The following SYT14 variants were observed in gnomAD, a reference collection of about 807,000 sequenced individuals.
SYT14 encodes the protein synaptotagmin-14.
SYT14 carries 32 observed loss-of-function variants against 74.2 expected under a neutral mutation model. That is an observed-to-expected ratio of 0.43 (90% CI 0.33 to 0.58). SYT14 has a LOEUF of 0.58. Ranked by LOEUF, SYT14 falls within the 20% of genes least tolerant of loss-of-function variation. The probability of loss-of-function intolerance (pLI) is 0.05; values close to 1 mark genes in which losing one functional copy is unlikely to be tolerated. For synonymous variants in SYT14, 298 were observed against 337.7 expected, an observed-to-expected ratio of 0.88 and a Z score of 1.29; for missense variants, 791 against 981.8, an observed-to-expected ratio of 0.81 and a Z score of 2.60.
At chr1:210,060,483 G>A (rs2081188326) in intron 5 of SYT14, among the ~76,000 whole-genome samples, 1 of 151,924 alleles carries the variant, frequency 6.6e-6, no homozygotes, top group East Asian at 1.9e-4. Flanking sequence ...TCTATGTCAG[G>A]ATTAACGTGA....
At chr1:210,155,540 A>G (rs954375755) in intron 7 of SYT14, among the ~76,000 whole-genome samples, 181 bp from the exon 7 acceptor site, 4 of 152,230 alleles carry the variant, frequency 2.6e-5, no homozygotes, top group Admixed American at 1.3e-4. Context: ...TGGCTTTTAC[A>G]TAATGAAAAG....
In SYT14 at chr1:209,989,152, G is replaced by A. The variant is rs193268614; in HGVS notation, c.-485-24481G>A. 2.6e-5 allele frequency among the ~76,000 whole-genome samples: 4 copies of A among 152,166 alleles called. No homozygotes were observed. The East Asian group carries it at 5.8e-4, about 22-fold the overall frequency. On this transcript the variant is annotated intron_variant, in intron 2 of 9. Coordinates refer to ENST00000637265, the Ensembl canonical transcript of SYT14. Reference sequence around the variant, plus strand: ...GTTTCATACGCTCTGTCTTGTTTTAGTGTTTTCAGGTGGTGGGAGAAATCT... The same window carrying A: ...GTTTCATACGCTCTGTCTTGTTTTAATGTTTTCAGGTGGTGGGAGAAATCT...
chr1:210,079,221 T>A (rs978642256), intron 5 of SYT14, among the ~76,000 whole-genome samples: 1 of 152,112 alleles, frequency 6.6e-6, no homozygotes, highest in African/African-American at 2.4e-5. Flanking sequence ...ATCAATAAAT[T>A]AATTAATTTG....
intron 2 of SYT14, among the ~76,000 whole-genome samples, chr1:209,975,219 G>A (rs2079336748): frequency 2.6e-5 from 4 of 152,248 alleles, no homozygotes; most frequent in South Asian, 2.1e-4. Context: ...TCTCCTGCCT[G>A]ATTGCCCTGG....
intron 5 of SYT14, among the ~76,000 whole-genome samples, chr1:210,068,008 A>G (rs976271742): frequency 1.3e-5 from 2 of 151,890 alleles, no homozygotes; most frequent in Non-Finnish European, 2.9e-5. Context: ...ACCAGTGAAT[A>G]TGCCTCTTGT....
In SYT14 at chr1:209,958,485, A is replaced by T. The variant is rs982293107; in HGVS notation, c.-486+5729A>T. ...GAATCTCTAGATCTATGTGGAGACG[A>T]TATCTTTAAAATACTGAGATTTCTT... On this transcript the variant is annotated intron_variant, in intron 2 of 9. Transcript: ENST00000637265. Among the ~76,000 whole-genome samples the T allele has an allele frequency of 6.6e-5, 10 of 152,084 alleles. No homozygotes were observed. In the South Asian group the frequency reaches 8.3e-4, roughly 13 times the overall value.
chr1:209,979,454 A>C (rs535010663), intron 2 of SYT14, among the ~76,000 whole-genome samples: 1 of 151,444 alleles, frequency 6.6e-6, no homozygotes, highest in African/African-American at 2.4e-5. Context: ...TTTTTTCCCA[A>C]CTTTTAAGTT....
chr1:209,976,904 A>G (rs1008866976), intron 2 of SYT14, among the ~76,000 whole-genome samples: 3 of 152,072 alleles, frequency 2.0e-5, no homozygotes, highest in African/African-American at 7.2e-5. Context: ...TTGGGTGCAT[A>G]TATATTTAGG....
exon 10 of SYT14, chr1:210,161,290 A>G (rs1354601450): frequency 1.6e-6 from 1 of 617,620 alleles, no homozygotes; most frequent in East Asian, 3.4e-5. Context: ...ACAGTCCTCC[A>G]GAAATTTAAT....
At chr1:210,129,309 C>G (rs1477764974) in intron 7 of SYT14, among the ~76,000 whole-genome samples, 1 of 152,190 alleles carries the variant, frequency 6.6e-6, no homozygotes, top group African/African-American at 2.4e-5. Flanking sequence ...TTCCCCGACC[C>G]TGCCTTCCAT....
intron 7 of SYT14, among the ~76,000 whole-genome samples, chr1:210,135,733 T>A (rs1304077970): frequency 1.3e-5 from 2 of 152,256 alleles, no homozygotes; most frequent in South Asian, 2.1e-4. Context: ...TGTTCTTGGA[T>A]GCAATCAGGC....
At chr1:209,947,983 A>T in intron 1 of SYT14, among the ~76,000 whole-genome samples, 1 of 152,328 alleles carries the variant, frequency 6.6e-6, no homozygotes, top group South Asian at 2.1e-4. Flanking sequence ...TTTTAGCAAT[A>T]AATTATTTTT....
chr1:210,151,926 G>A (rs2083172677), intron 7 of SYT14, among the ~76,000 whole-genome samples: 1 of 152,106 alleles, frequency 6.6e-6, no homozygotes, highest in African/African-American at 2.4e-5. Context: ...TATGACTTCT[G>A]TGTATAAACA....
In SYT14 at chr1:210,117,457, T is replaced by A. The variant is rs74604284; in HGVS notation, c.2034+16996T>A. ...TTACTCTTCTTCTTTGTAAAACAAT[T>A]TGTAATAAATACTTCATGATAAACT... is the stretch of plus-strand genomic sequence containing the variant. On this transcript the variant is annotated intron_variant, in intron 7 of 9. Transcript: ENST00000637265. 1.5e-4 allele frequency among the ~76,000 whole-genome samples: 23 copies of A among 152,278 alleles called. No individual in the cohort carries two copies. In the East Asian group the frequency reaches 4.4e-3, roughly 29 times the overall value.
At chr1:210,090,859 A>G (rs1453239840) in intron 5 of SYT14, among the ~76,000 whole-genome samples, 1 of 152,184 alleles carries the variant, frequency 6.6e-6, no homozygotes, top group Admixed American at 6.5e-5. Flanking sequence ...ACATTTAAAA[A>G]GGAGGGATCT....
chr1:210,027,169 G>C (rs557702175), intron 5 of SYT14, among the ~76,000 whole-genome samples: 17 of 152,202 alleles, frequency 1.1e-4, no homozygotes, highest in African/African-American at 3.9e-4. Context: ...TTACAGTAAA[G>C]TAAGCTAGAA....
At chr1:209,950,204 T>C (rs553793348) in intron 1 of SYT14, among the ~76,000 whole-genome samples, 81 of 152,272 alleles carry the variant, frequency 5.3e-4, no homozygotes, top group Non-Finnish European at 9.3e-4. Context: ...GTAACTCAAA[T>C]TAAGTTACGT....
At chr1:210,070,459 G>C (rs1378175681) in intron 5 of SYT14, among the ~76,000 whole-genome samples, 1 of 152,066 alleles carries the variant, frequency 6.6e-6, no homozygotes, top group East Asian at 1.9e-4. Context: ...AAAGCCCAGA[G>C]AGTTTAAATA....
chr1:210,081,624 T>C (rs2081617577), intron 5 of SYT14, among the ~76,000 whole-genome samples: 1 of 152,206 alleles, frequency 6.6e-6, no homozygotes, highest in East Asian at 1.9e-4. Context: ...TCAGTGTAAC[T>C]GCTGTATCTT....
Sources: gnomAD v4.1 joint callset for allele counts (sites outside exome capture counted in the v4.1 genomes callset) on GRCh38, gnomAD v4.1.1 for gene constraint, MANE v1.5 for transcripts, NCBI Gene and HGNC (gene_info 2026-07-23, HGNC 2026-07-21) for gene names.